The following PCDHA9 variants were observed in gnomAD, a reference collection of about 807,000 sequenced individuals.
The protein encoded by PCDHA9 is protocadherin alpha-9.
Under a neutral mutation model 62.0 loss-of-function variants are expected in PCDHA9, and 62 were observed. The observed-to-expected ratio is 1.00, with a 90% CI of 0.81 to 1.23. The LOEUF is 1.23. Among genes scored for constraint, PCDHA9 ranks in the 50% most tolerant of loss-of-function variants. The pLI, the probability that PCDHA9 is intolerant of heterozygous loss-of-function variation, is 0.00. For missense variants in PCDHA9, 1,205 were observed against 1,249.8 expected (o/e 0.96, Z 0.54); for synonymous variants, 557 against 567.6 (o/e 0.98, Z 0.27).
In PCDHA9 at chr5:141,010,341, T is replaced by C. The variant is rs199826290; in HGVS notation, c.*404T>C. ...GAGCAGCTTGGGAGTTTGTGGCCAC[T>C]GGGTATGTGTGGCTACCGCGGGTAT... is the stretch of plus-strand genomic sequence containing the variant. On this transcript the variant is annotated 3_prime_UTR_variant, in exon 4 of 4. Coordinates refer to ENST00000532602, the MANE Select transcript of PCDHA9 (RefSeq NM_031857.2). 1 of 1,503,238 alleles carries C rather than the reference T, an allele frequency of 6.7e-7. No homozygotes were observed. The highest frequency in any genetic ancestry group is 8.9e-7 in the Non-Finnish European group (1 of 1,119,606). The allele number at this position is 1,503,238 out of a possible 1,614,324, so 93.1% of individuals were successfully genotyped here. A position where few individuals can be genotyped will look rare whatever the true frequency, so the allele number is the denominator to read the frequency against.
chr5:140,929,118 A>T, intron 1 of PCDHA9: 2 of 1,614,150 alleles, frequency 1.2e-6, no homozygotes, highest in Non-Finnish European at 1.7e-6. Context: ...CAGCCACCAT[A>T]GATGTCACTA....
At chr5:140,956,924 G>A (rs2095321295) in intron 1 of PCDHA9, among the ~76,000 whole-genome samples, 2 of 151,898 alleles carry the variant, frequency 1.3e-5, no homozygotes, top group Non-Finnish European at 2.9e-5. Flanking sequence ...TAATCTTGCT[G>A]GATATAGGAT....
chr5:140,905,995 G>C (rs2072280853), intron 1 of PCDHA9, among the ~76,000 whole-genome samples: 1 of 152,114 alleles, frequency 6.6e-6, no homozygotes. Context: ...ATGTAGGCTG[G>C]GAGGCTAAGC....
At chr5:140,929,316 C>G in intron 1 of PCDHA9, 1 of 1,556,954 alleles carries the variant, frequency 6.4e-7, no homozygotes, top group Non-Finnish European at 8.7e-7. Flanking sequence ...ACGCTAATGT[C>G]AATGCCATGG....
intron 1 of PCDHA9, chr5:140,882,976 T>G: frequency 1.2e-6 from 2 of 1,614,220 alleles, no homozygotes; most frequent in Non-Finnish European, 1.7e-6. Flanking sequence ...TGGACGTGAA[T>G]GACAACGCCC....
At chr5:140,992,805 A>G (rs2097529327) in intron 3 of PCDHA9, among the ~76,000 whole-genome samples, 1 of 152,078 alleles carries the variant, frequency 6.6e-6, no homozygotes, top group Non-Finnish European at 1.5e-5. Flanking sequence ...ATCCATATGT[A>G]TCTAAGGATG....
intron 1 of PCDHA9, chr5:140,875,217 C>G (rs1554167556): frequency 2.7e-6 from 2 of 734,894 alleles, no homozygotes; most frequent in African/African-American, 3.5e-5. Flanking sequence ...CCGAAAAGAA[C>G]CTCAGGATCT....
intron 1 of PCDHA9, chr5:140,852,024 C>T (rs1554145640): frequency 4.2e-6 from 4 of 949,416 alleles, no homozygotes; most frequent in East Asian, 1.1e-4. Flanking sequence ...TTAAAAACTT[C>T]GCTTATTGAG....
intron 1 of PCDHA9, among the ~76,000 whole-genome samples, chr5:140,937,675 G>A (rs2091663642): frequency 6.6e-6 from 1 of 151,688 alleles, no homozygotes; most frequent in Admixed American, 6.6e-5. Flanking sequence ...CACTTTGGGA[G>A]GCTGAGGCAG....
In PCDHA9 at chr5:141,011,794, G is replaced by A. The variant is rs782200485; in HGVS notation, c.*1857G>A. 2 of 153,664 alleles carry A rather than the reference G, an allele frequency of 1.3e-5. No individual in the cohort carries two copies. The highest frequency in any genetic ancestry group is 2.9e-5 in the Non-Finnish European group (2 of 68,028). The allele number at this position is 153,664 out of a possible 1,614,324, so 9.5% of individuals were successfully genotyped here. ...ATGCTTTGAAATTCTAATGGTATCT[G>A]AAATATCAGCTCATAGAAAGTAACA... On this transcript the variant is annotated 3_prime_UTR_variant, in exon 4 of 4. Coordinates refer to ENST00000532602, the MANE Select transcript of PCDHA9 (RefSeq NM_031857.2).
chr5:140,938,237 T>A (rs1287300526), intron 1 of PCDHA9, among the ~76,000 whole-genome samples: 1 of 152,208 alleles, frequency 6.6e-6, no homozygotes, highest in African/African-American at 2.4e-5. Context: ...TAGGCCACCA[T>A]GCCTGGTCTT....
chr5:140,993,617 C>A (rs1299213362), intron 3 of PCDHA9, among the ~76,000 whole-genome samples: 3 of 152,034 alleles, frequency 2.0e-5, no homozygotes, highest in Non-Finnish European at 4.4e-5. Context: ...TGTTGGGACC[C>A]TCTATATATA....
At chr5:140,869,394 G>C (rs782128248) in intron 1 of PCDHA9, 1 of 1,614,196 alleles carries the variant, frequency 6.2e-7, no homozygotes, top group Non-Finnish European at 8.5e-7. Context: ...AGCTGTGCGG[G>C]CAGAGCGCGG....
At chr5:140,968,519 A>C (rs1030847582) in intron 1 of PCDHA9, 1 of 1,614,008 alleles carries the variant, frequency 6.2e-7, no homozygotes, top group African/African-American at 1.3e-5. Flanking sequence ...CCCTACCTCA[A>C]CCAACTCGTC....
intron 1 of PCDHA9, among the ~76,000 whole-genome samples, chr5:140,878,476 A>G (rs1037108551): frequency 6.6e-6 from 1 of 152,204 alleles, no homozygotes; most frequent in Admixed American, 6.5e-5. Flanking sequence ...TCATTTCTCA[A>G]TTTAAAAATA....
At chr5:140,927,524 C>T in intron 1 of PCDHA9, 3 of 1,614,104 alleles carry the variant, frequency 1.9e-6, no homozygotes, top group Non-Finnish European at 2.5e-6. Flanking sequence ...GGCGGGCTAC[C>T]TGCCCGCTCA....
chr5:140,907,163 T>C (rs1019409387), intron 1 of PCDHA9, among the ~76,000 whole-genome samples: 1 of 152,162 alleles, frequency 6.6e-6, no homozygotes, highest in Non-Finnish European at 1.5e-5. Context: ...TACCATATAT[T>C]GGATGCTGAT....
chr5:140,886,087 A>G (rs944362157), intron 1 of PCDHA9, among the ~76,000 whole-genome samples: 2 of 152,324 alleles, frequency 1.3e-5, no homozygotes, highest in Admixed American at 6.5e-5. Flanking sequence ...CAACCTGGAT[A>G]TTGACATTGA....
intron 1 of PCDHA9, among the ~76,000 whole-genome samples, chr5:140,907,407 C>G (rs1438882988): frequency 3.3e-5 from 5 of 152,168 alleles, no homozygotes; most frequent in African/African-American, 1.2e-4. Flanking sequence ...GTGTGGAATA[C>G]CACGATGGTG....
Sources: allele counts gnomAD v4.1 joint callset (sites outside exome capture counted in the v4.1 genomes callset), GRCh38; gene constraint gnomAD v4.1.1; transcripts MANE v1.5; gene names NCBI Gene and HGNC (gene_info 2026-07-23, HGNC 2026-07-21).